DPP6: variants seen among roughly 807,000 people sequenced by gnomAD.
The protein encoded by DPP6 is A-type potassium channel modulatory protein DPP6.
DPP6 carries 69 observed loss-of-function variants against 122.6 expected under a neutral mutation model. The observed-to-expected ratio is 0.56, with a 90% CI of 0.46 to 0.69. The LOEUF is 0.69. Ranked by LOEUF, DPP6 falls within the 30% of genes least tolerant of loss-of-function variation. The probability of loss-of-function intolerance (pLI) is 0.00; values close to 1 mark genes in which losing one functional copy is unlikely to be tolerated. For missense variants in DPP6, 928 were observed against 1,116.9 expected (o/e 0.83, Z 2.41); for synonymous variants, 418 against 433.1 (o/e 0.97, Z 0.43).
At chr7:154,620,815 A>T (rs977831824) in intron 5 of DPP6, among the ~76,000 whole-genome samples, 11 of 152,148 alleles carry the variant, frequency 7.2e-5, no homozygotes, top group African/African-American at 2.4e-4. Flanking sequence ...TACTTTTCCA[A>T]ATTGTTTTGG....
At chr7:154,484,176 G>A (rs1298416328) in intron 3 of DPP6, among the ~76,000 whole-genome samples, 1 of 152,050 alleles carries the variant, frequency 6.6e-6, no homozygotes, top group African/African-American at 2.4e-5. Flanking sequence ...TATAGTAGGG[G>A]AAAGGTTAAT....
chr7:154,802,112 G>A (rs1164505861), intron 13 of DPP6, among the ~76,000 whole-genome samples: 1 of 152,116 alleles, frequency 6.6e-6, no homozygotes, highest in Admixed American at 6.5e-5. Context: ...GACTTTGGGG[G>A]ACTCTGCCCT....
At chr7:153,947,528 T>C (rs960122621) in intron 1 of DPP6, among the ~76,000 whole-genome samples, 3 of 152,214 alleles carry the variant, frequency 2.0e-5, no homozygotes, top group African/African-American at 7.2e-5. Flanking sequence ...TACACAGATT[T>C]ACTTAATAAG....
intron 5 of DPP6, among the ~76,000 whole-genome samples, chr7:154,582,395 T>C (rs1476834041): frequency 1.3e-5 from 2 of 152,184 alleles, no homozygotes; most frequent in South Asian, 2.1e-4. Flanking sequence ...ATCTGACCCA[T>C]TGGGTTTGTA....
intron 8 of DPP6, among the ~76,000 whole-genome samples, chr7:154,751,863 T>G (rs964181848): frequency 2.0e-5 from 3 of 151,716 alleles, no homozygotes; most frequent in Non-Finnish European, 2.9e-5. Context: ...GGGATGTGCA[T>G]GATGCTGGGG....
intron 16 of DPP6, among the ~76,000 whole-genome samples, chr7:154,830,615 G>A (rs1800556554): frequency 6.6e-6 from 1 of 152,220 alleles, no homozygotes; most frequent in Non-Finnish European, 1.5e-5. Flanking sequence ...CTGGTTCTAA[G>A]CAAAGGGTAG....
intron 1 of DPP6, among the ~76,000 whole-genome samples, chr7:154,170,974 G>A (rs1433486401): frequency 1.3e-5 from 2 of 152,164 alleles, no homozygotes; most frequent in African/African-American, 2.4e-5. Flanking sequence ...TTGGGATTGC[G>A]GTGCTGCCCT....
intron 3 of DPP6, among the ~76,000 whole-genome samples, chr7:154,493,045 T>C (rs970968258): frequency 1.3e-5 from 2 of 152,180 alleles, no homozygotes; most frequent in African/African-American, 4.8e-5. Flanking sequence ...TAGAAGATCG[T>C]GCTTCTTATA....
At chr7:154,371,401 A>AAAG (rs1554529694) in intron 1 of DPP6, among the ~76,000 whole-genome samples, 4 of 120,624 alleles carry the variant, frequency 3.3e-5, no homozygotes, top group South Asian at 2.5e-4. Context: ...AAAAAAAAAA[A>AAAG]AAAGAAAGAA....
intron 1 of DPP6, among the ~76,000 whole-genome samples, chr7:154,027,510 G>A (rs397833642): frequency 6.0e-4 from 92 of 152,214 alleles, no homozygotes; most frequent in South Asian, 1.2e-3. Context: ...TCTGCTAAGG[G>A]CGCTAGTCCC....
chr7:154,051,544 C>T (rs998374842), upstream of DPP6, among the ~76,000 whole-genome samples: 1 of 135,878 alleles, frequency 7.4e-6, no homozygotes, highest in African/African-American at 3.0e-5. Context: ...CGCCTTCCTG[C>T]GGCTGGGCAG....
In DPP6 at chr7:154,618,076, C is replaced by T. The variant is rs1014355734; in HGVS notation, c.628-19745C>T. On this transcript the variant is annotated intron_variant, in intron 5 of 25. Coordinates refer to ENST00000377770, the MANE Select transcript of DPP6 (RefSeq NM_130797.4). The surrounding 1 kb of genome is among the most constrained non-coding windows in gnomAD (Gnocchi z 4.1). ...AATGCTGTCTGCTCACACAGGCTTT[C>T]CCCCTTTGCACTGTTGCTGGTTGCA... is the stretch of plus-strand genomic sequence containing the variant. Among the ~76,000 whole-genome samples, 2 of 152,176 alleles carry T rather than the reference C, an allele frequency of 1.3e-5. No individual in the cohort carries two copies. Among genetic ancestry groups the T allele is most frequent in the African/African-American group, 4.8e-5 (2 of 41,440 alleles).
At chr7:153,968,148 G>A (rs1795849627) in intron 1 of DPP6, among the ~76,000 whole-genome samples, 1 of 149,998 alleles carries the variant, frequency 6.7e-6, no homozygotes, top group African/African-American at 2.5e-5. Context: ...CAGTGGCTGG[G>A]ATTATCATAC....
intron 6 of DPP6, among the ~76,000 whole-genome samples, chr7:154,658,089 AT>A (rs1358219378): frequency 6.6e-6 from 1 of 152,238 alleles, no homozygotes; most frequent in East Asian, 1.9e-4. Flanking sequence ...AGACGTCTGT[AT>A]GATCCTGCAA....
At chr7:154,493,063 GACTAATGAAAGCAGCCTGGAAATGA>G (rs1824424944) in intron 3 of DPP6, among the ~76,000 whole-genome samples, 1 of 152,106 alleles carries the variant, frequency 6.6e-6, no homozygotes, top group Non-Finnish European at 1.5e-5. Flanking sequence ...ATATAACTAG[GACTAATGAAAGCAGCCTGGAAATGA>G]GTGCACAGTT....
chr7:154,030,901 A>G (rs972785673), intron 1 of DPP6, among the ~76,000 whole-genome samples: 9 of 152,016 alleles, frequency 5.9e-5, no homozygotes, highest in Admixed American at 2.6e-4. Context: ...TCTCTGAGCT[A>G]TTAATACACA....
chr7:154,733,822 T>G (rs1008210286), intron 8 of DPP6, among the ~76,000 whole-genome samples: 2 of 152,224 alleles, frequency 1.3e-5, no homozygotes, highest in Admixed American at 6.5e-5. Context: ...TCATCCAGAT[T>G]CCCATAAACT....
At chr7:154,119,281 T>C (rs1807247237) in intron 1 of DPP6, among the ~76,000 whole-genome samples, 1 of 152,188 alleles carries the variant, frequency 6.6e-6, no homozygotes, top group Non-Finnish European at 1.5e-5. Flanking sequence ...GTCCGGATGC[T>C]CACCGCCTGC....
chr7:154,814,001 C>A (rs766406355), intron 16 of DPP6, among the ~76,000 whole-genome samples: 1 of 150,974 alleles, frequency 6.6e-6, no homozygotes, highest in South Asian at 2.1e-4. Flanking sequence ...CTGCCTCAGC[C>A]TCTTGAGTAG....
Sources: gnomAD v4.1 joint callset for allele counts (sites outside exome capture counted in the v4.1 genomes callset) on GRCh38, gnomAD v4.1.1 for gene constraint, Gnocchi (gnomAD v3.1) non-coding constraint, MANE v1.5 for transcripts, NCBI Gene and HGNC (gene_info 2026-07-23, HGNC 2026-07-21) for gene names.